The following SRSF12 variants were observed in gnomAD, a reference collection of about 807,000 sequenced individuals.
SRSF12 encodes the protein serine and arginine rich splicing factor 12, also known as serine/arginine-rich splicing factor 12.
Under a neutral mutation model 34.1 loss-of-function variants are expected in SRSF12, and 21 were observed. That is an observed-to-expected ratio of 0.62 (90% CI 0.44 to 0.89). SRSF12 has a LOEUF of 0.89. SRSF12 is among the 40% of genes least tolerant of loss of function. SRSF12 has a pLI of 0.00. For missense variants in SRSF12, 278 were observed against 327.8 expected (o/e 0.85, Z 1.17); for synonymous variants, 111 against 110.8 (o/e 1.00, Z -0.01).
At chr6:89,113,567 C>T (rs1769155009) in intron 1 of SRSF12, among the ~76,000 whole-genome samples, 1 of 152,164 alleles carries the variant, frequency 6.6e-6, no homozygotes, top group South Asian at 2.1e-4. Flanking sequence ...CCTCGGCCTC[C>T]CAAAGTGCTG....
intron 4 of SRSF12, among the ~76,000 whole-genome samples, chr6:89,099,385 GCTCTCT>G (rs1213727394): frequency 1.5e-5 from 1 of 66,960 alleles, no homozygotes; most frequent in African/African-American, 5.3e-5. Context: ...ATAGAAAACA[GCTCTCT>G]CTCTCTCTCT....
At chr6:89,115,924 C>T (rs1769275062) in intron 1 of SRSF12, among the ~76,000 whole-genome samples, 1 of 152,118 alleles carries the variant, frequency 6.6e-6, no homozygotes, top group African/African-American at 2.4e-5. Context: ...CATGAGCCAC[C>T]GCACCCGGCC....
Position 89,105,273 on chromosome 6 carries a change from G to C in SRSF12, c.275-13C>G. 6.3e-7 allele frequency: 1 copy of C among 1,596,976 alleles called. No homozygotes were observed. The highest frequency in any genetic ancestry group is 1.1e-5 in the South Asian group (1 of 89,642). On this transcript the variant is annotated splice_polypyrimidine_tract_variant and intron_variant, in intron 3 of 4. Transcript: ENST00000452027. ...ATTTGGCCTGGTGCTGGAACATAAA[G>C]AACAAGACTTATGACATAATTCGTT...
intron 1 of SRSF12, among the ~76,000 whole-genome samples, chr6:89,117,218 C>A (rs905124999): frequency 6.6e-6 from 1 of 152,126 alleles, no homozygotes; most frequent in South Asian, 2.1e-4. Flanking sequence ...GGACTCAGAA[C>A]TTTAAAGAAA....
At chr6:89,106,708 AC>A (rs1324175008) in intron 2 of SRSF12, 2 of 236,470 alleles carry the variant, frequency 8.5e-6, no homozygotes, top group Admixed American at 4.9e-5. Flanking sequence ...TTGAACCTTG[AC>A]CTTTACTCTT....
At chr6:89,106,985 A>G (rs565372179) in intron 2 of SRSF12, 169 bp downstream of exon 2, 5 of 720,290 alleles carry the variant, frequency 6.9e-6, no homozygotes. Context: ...GTTGGTTCAA[A>G]CTGGGGGGTG....
In SRSF12 at chr6:89,099,058, G is replaced by C. The variant is rs567533852; in HGVS notation, c.417-111C>G. 80 of 1,282,076 alleles carry C rather than the reference G, an allele frequency of 6.2e-5. No homozygotes were observed. In the African/African-American group the frequency reaches 9.6e-4, roughly 15 times the overall value. The allele number at this position is 1,282,076 out of a possible 1,614,324, so 79.4% of individuals were successfully genotyped here. On this transcript the variant is annotated intron_variant, in intron 4 of 4. Coordinates refer to ENST00000452027, the MANE Select transcript of SRSF12 (RefSeq NM_080743.5). ...CATAACATTAGTTATATTTTTACTA[G>C]ATAAGCTAAAAAAATTTCTCATTTT...
intron 1 of SRSF12, among the ~76,000 whole-genome samples, chr6:89,107,660 G>A (rs1217765412): frequency 6.6e-6 from 1 of 152,032 alleles, no homozygotes; most frequent in Admixed American, 6.6e-5. Context: ...GAGTGAGCAT[G>A]GGGAGGTTGA....
At chr6:89,099,531 CAT>C (rs763685529) in intron 4 of SRSF12, among the ~76,000 whole-genome samples, 25 of 104,328 alleles carry the variant, frequency 2.4e-4, no homozygotes, top group African/African-American at 6.5e-4. Context: ...CACACACACA[CAT>C]ACATGTTTTT....
chr6:89,101,502 A>T (rs1384351880), intron 4 of SRSF12, among the ~76,000 whole-genome samples: 1 of 152,102 alleles, frequency 6.6e-6, no homozygotes, highest in Non-Finnish European at 1.5e-5. Flanking sequence ...CAGGTGGATC[A>T]CCTGAGGTCA....
intron 4 of SRSF12, among the ~76,000 whole-genome samples, chr6:89,102,074 C>T (rs2127990993): frequency 6.6e-6 from 1 of 151,652 alleles, no homozygotes. Flanking sequence ...TAACATTGAA[C>T]TAGATGAAGA....
At chr6:89,108,355 T>G (rs1165111300) in intron 1 of SRSF12, among the ~76,000 whole-genome samples, 1 of 152,212 alleles carries the variant, frequency 6.6e-6, no homozygotes, top group Non-Finnish European at 1.5e-5. Context: ...ACAGACAGAT[T>G]ATGGGTGATA....
intron 4 of SRSF12, among the ~76,000 whole-genome samples, chr6:89,099,726 G>A (rs1768451533): frequency 6.6e-6 from 1 of 151,892 alleles, no homozygotes; most frequent in Non-Finnish European, 1.5e-5. Flanking sequence ...GTAGAGATGG[G>A]ATTTCTCCAT....
Position 89,097,219 on chromosome 6 carries a change from A to C in SRSF12, c.*1359T>G, listed in dbSNP as rs1459189476. 1 of 152,216 alleles carries C rather than the reference A, an allele frequency of 6.6e-6. No homozygotes were observed. Among genetic ancestry groups the C allele is most frequent in the Non-Finnish European group, 1.5e-5 (1 of 68,042 alleles). The allele number at this position is 152,216 out of a possible 1,614,324, so 9.4% of individuals were successfully genotyped here. On this transcript the variant is annotated 3_prime_UTR_variant, in exon 5 of 5. Coordinates refer to ENST00000452027, the MANE Select transcript of SRSF12 (RefSeq NM_080743.5). Reference sequence around the variant, plus strand: ...TTAAACACTCTGGATACAAATACTAACTGTATGGATTGAGAACTTTGAAGT... The same window carrying C: ...TTAAACACTCTGGATACAAATACTACCTGTATGGATTGAGAACTTTGAAGT...
At chr6:89,107,315 G>T in intron 1 of SRSF12, 57 bp from the exon 2 acceptor site, 2 of 1,402,296 alleles carry the variant, frequency 1.4e-6, no homozygotes, top group Non-Finnish European at 2.0e-6. Flanking sequence ...AAAATATTTT[G>T]CCTACAGAAA....
intron 1 of SRSF12, among the ~76,000 whole-genome samples, chr6:89,108,434 T>A (rs897720332): frequency 1.3e-5 from 2 of 152,172 alleles, no homozygotes; most frequent in African/African-American, 4.8e-5. Context: ...GAGTAACCTA[T>A]CTAAGCTCAC....
intron 2 of SRSF12, 110 bp from the exon 3 acceptor site, chr6:89,105,640 A>G (rs941621234): frequency 1.3e-6 from 1 of 759,916 alleles, no homozygotes; most frequent in Non-Finnish European, 2.0e-6. Flanking sequence ...TCAAGTTATT[A>G]AGCTCACATC....
chr6:89,100,967 T>G (rs1222823728), intron 4 of SRSF12, among the ~76,000 whole-genome samples: 3 of 152,096 alleles, frequency 2.0e-5, no homozygotes, highest in Non-Finnish European at 4.4e-5. Flanking sequence ...TAGCCTGGCA[T>G]GGTGGTGCAT....
chr6:89,098,895 A>G lies in SRSF12; in HGVS notation c.469T>C (p.Leu157=). 6.2e-7 allele frequency: 1 copy of G among 1,613,962 alleles called. No individual in the cohort carries two copies. The highest frequency in any genetic ancestry group is 8.5e-7 in the Non-Finnish European group (1 of 1,179,880). ...YSQSKSRSKS[L]PRRSTSARQS... is the part of the protein sequence containing the mutation. ...CTTGCTGAGGTAGACCGCCTTGGTA[A>G]TGATTTGGAACGAGATTTAGACTGG... is the stretch of plus-strand genomic sequence containing the variant. The change falls in exon 5 of 5, where the codon TTA becomes CTA. Residue 157 remains leucine (L), a synonymous_variant. Coordinates refer to ENST00000452027, the MANE Select transcript of SRSF12 (RefSeq NM_080743.5).
Sources: gnomAD v4.1 joint callset for allele counts (sites outside exome capture counted in the v4.1 genomes callset) on GRCh38, gnomAD v4.1.1 for gene constraint, MANE v1.5 for transcripts, NCBI Gene and HGNC (gene_info 2026-07-23, HGNC 2026-07-21) for gene names.